Variants in SYNM observed in about 807,000 individuals in gnomAD.
SYNM encodes the protein desmuslin.
A neutral mutation model predicts 104.0 loss-of-function variants in SYNM; 95 were observed. The ratio of observed to expected loss-of-function variants is 0.91; its 90% confidence interval spans 0.77 to 1.08. The LOEUF is 1.08. Among genes scored for constraint, SYNM ranks in the 50% least tolerant of loss-of-function variants. SYNM has a pLI of 0.00. For synonymous variants in SYNM, 918 were observed against 869.0 expected (o/e 1.06, Z -0.99); for missense variants, 2,150 against 2,052.2 (o/e 1.05, Z -0.92).
chr15:99,131,417 G>A lies in SYNM; in HGVS notation c.3057G>A (p.Leu1019=). The change falls in exon 4 of 4, where the codon CTG becomes CTA. Residue 1019 remains leucine (L), a synonymous_variant. Coordinates refer to ENST00000336292, the MANE Select transcript of SYNM (RefSeq NM_145728.3). The surrounding 1 kb of genome is among the most constrained non-coding windows in gnomAD (Gnocchi z 4.3). ...CCGATCGGTTAGACCTGGAGGAGCT[G>A]AGCAAAGATGAGGCCAGTGAGATGG... The part of the protein sequence containing the change: ...VDADRLDLEE[L]SKDEASEMEK... The A allele has an allele frequency of 1.2e-6, 2 of 1,610,956 alleles. No individual in the cohort carries two copies. The highest frequency in any genetic ancestry group is 1.7e-6 in the Non-Finnish European group (2 of 1,179,206).
downstream of SYNM, chr15:99,139,271 A>C (rs782320750): frequency 1.3e-6 from 2 of 1,590,366 alleles, no homozygotes; most frequent in East Asian, 4.5e-5. Context: ...GAGATTCTGA[A>C]TGGAAAGGGA....
rs1355557622 is a variant in SYNM at position 99,134,283 on chromosome 15, T to G, written c.*1225T>G. 1 of 151,702 alleles carries G rather than the reference T, an allele frequency of 6.6e-6. No individual in the cohort carries two copies. The highest frequency in any genetic ancestry group is 6.6e-5 in the Admixed American group (1 of 15,242). The allele number at this position is 151,702 out of a possible 1,614,324, so 9.4% of individuals were successfully genotyped here. The stretch of plus-strand genomic sequence containing the variant: ...AGCACCGAGATACCCAGGACGGGCC[T>G]GGGGGGCGAGAAAGGCCCCCATGCT... On this transcript the variant is annotated 3_prime_UTR_variant, in exon 4 of 4. Transcript: ENST00000336292.
At chr15:99,138,191 A>G, downstream of SYNM, 1 of 1,589,714 alleles carries the variant, frequency 6.3e-7, no homozygotes, top group Non-Finnish European at 8.6e-7. Flanking sequence ...GTTCCCATCC[A>G]GCCTTTGCTG....
intron 3 of SYNM, among the ~76,000 whole-genome samples, chr15:99,127,041 G>C (rs1283398874): frequency 6.6e-6 from 1 of 152,230 alleles, no homozygotes; most frequent in Non-Finnish European, 1.5e-5. Flanking sequence ...AGGAGCGGAA[G>C]GGGCTAATGG....
At chr15:99,107,705 G>A (rs1425928506) in intron 1 of SYNM, among the ~76,000 whole-genome samples, 1 of 152,164 alleles carries the variant, frequency 6.6e-6, no homozygotes, top group Non-Finnish European at 1.5e-5. Context: ...CTGACTGGAG[G>A]AGACATGGGG....
rs891269263 is a variant in SYNM at position 99,105,313 on chromosome 15, C to T, written c.114C>T (p.Leu38=). ...GGGAGCTGGAGCGCGAAAACCTACT[C>T]CTGGAGGAGGAGCTGCGCGGCCGGC... ...RVRELERENL[L]LEEELRGRRG... Residue 38 remains leucine, a synonymous_variant, in exon 1 of 4, where the codon CTC becomes CTT. Transcript: ENST00000336292. 1 of 1,546,250 alleles carries T rather than the reference C, an allele frequency of 6.5e-7. No homozygotes were observed.
chr15:99,126,827 G>C, intron 3 of SYNM, 35 bp downstream of exon 3: 1 of 1,540,354 alleles, frequency 6.5e-7, no homozygotes, highest in East Asian at 2.4e-5. Flanking sequence ...TTAGCTTTAG[G>C]CATCTGAACT....
intron 2 of SYNM, among the ~76,000 whole-genome samples, chr15:99,118,536 A>AT (rs1555484191): frequency 6.6e-6 from 1 of 152,138 alleles, no homozygotes; most frequent in Non-Finnish European, 1.5e-5. Flanking sequence ...GGATTTGTCC[A>AT]TTGTCCCAAG....
rs1555483620 is a variant in SYNM, at chr15:99,113,603, T to C, written c.823T>C (p.Cys275Arg). Residue 275 changes from cysteine (C) to arginine (R), a missense_variant, in exon 2 of 4, where the codon TGC becomes CGC. Transcript: ENST00000336292. ...CTATTCTCTTTAGAGAGTGATTGACTGCCTGGAGGATGAGAAGGCAACCCT... is the reference window on the plus strand; with the variant it reads ...CTATTCTCTTTAGAGAGTGATTGACCGCCTGGAGGATGAGAAGGCAACCCT... ...QAEERQRVIDCLEDEKATLTL... is the reference protein window; with the variant it reads ...QAEERQRVIDRLEDEKATLTL... The C allele has an allele frequency of 2.5e-6, 4 of 1,613,358 alleles. No individual in the cohort carries two copies. The African/African-American group carries it at 4.0e-5, about 16-fold the overall frequency.
chr15:99,138,066 T>A (rs2067735538), downstream of SYNM: 1 of 1,613,882 alleles, frequency 6.2e-7, no homozygotes, highest in Non-Finnish European at 8.5e-7. Flanking sequence ...TGAGGGATGC[T>A]GGTGCAGAAG....
At chr15:99,107,980 G>C (rs35637557) in intron 1 of SYNM, among the ~76,000 whole-genome samples, 2,055 of 141,168 alleles carry the variant, frequency 0.015, 49 homozygotes, top group African/African-American at 0.056. Flanking sequence ...TTTTGGTTTT[G>C]GTTTTGGTTT....
chr15:99,125,511 G>A (rs1400328920), intron 2 of SYNM, among the ~76,000 whole-genome samples: 1 of 152,266 alleles, frequency 6.6e-6, no homozygotes, highest in Non-Finnish European at 1.5e-5. Context: ...GGCCCGCTGT[G>A]TGCGCCTTCG....
downstream of SYNM, among the ~76,000 whole-genome samples, chr15:99,138,559 C>T (rs142550887): frequency 2.0e-5 from 3 of 152,340 alleles, no homozygotes; most frequent in East Asian, 1.9e-4. Flanking sequence ...AGTGATCCAC[C>T]GCCTCGGCCT....
Position 99,132,205 on chromosome 15 carries a change from C to T in SYNM, c.3845C>T (p.Pro1282Leu). ...GFSGQIQFTA[P>L]LSDKVELGVI... ...AGTGGGCAAATCCAGTTCACAGCTCCACTTTCAGACAAGGTGGAGTTGGGT... is the reference window on the plus strand; with the variant it reads ...AGTGGGCAAATCCAGTTCACAGCTCTACTTTCAGACAAGGTGGAGTTGGGT... The change falls in exon 4 of 4, where the codon CCA becomes CTA. Residue 1282 changes from proline to leucine, a missense_variant. Physicochemically the swap from Pro to Leu is moderately conservative, Grantham distance 98. Transcript: ENST00000336292. 1.2e-6 allele frequency: 2 copies of T among 1,613,044 alleles called. No homozygotes were observed. Among genetic ancestry groups the T allele is most frequent in the South Asian group, 1.1e-5 (1 of 91,056 alleles).
In SYNM at chr15:99,113,726, T is replaced by G. The variant is rs1805445091; in HGVS notation, c.935+11T>G. The stretch of plus-strand genomic sequence containing the variant: ...GGTGGCGACCTACCGGTAAGGAGAC[T>G]GTGCTGAGTTGGCCTTGACGAAGCC... On this transcript the variant is annotated intron_variant, in intron 2 of 3. Coordinates refer to ENST00000336292, the MANE Select transcript of SYNM (RefSeq NM_145728.3). 1 of 1,613,310 alleles carries G rather than the reference T, an allele frequency of 6.2e-7. No individual in the cohort carries two copies. The highest frequency in any genetic ancestry group is 1.1e-5 in the South Asian group (1 of 90,896).
Position 99,131,330 on chromosome 15 carries a change from G to T in SYNM, c.2970G>T (p.Gln990His). ...GSVSVDVKKV[Q>H]GAGGSSVTLV... Reference sequence around the variant, plus strand: ...TTTCCGTGGATGTCAAGAAGGTCCAGGGTGCTGGTGGCAGTTCCGTGACCC... The same window carrying T: ...TTTCCGTGGATGTCAAGAAGGTCCATGGTGCTGGTGGCAGTTCCGTGACCC... The change falls in exon 4 of 4, where the codon CAG becomes CAT. Residue 990 changes from glutamine (Q) to histidine (H), a missense_variant. Coordinates refer to ENST00000336292, the MANE Select transcript of SYNM (RefSeq NM_145728.3). This position sits in a 1 kb window ranked among gnomAD's most constrained non-coding sequence, Gnocchi z 4.3. 1 of 1,613,360 alleles carries T rather than the reference G, an allele frequency of 6.2e-7. No homozygotes were observed. The highest frequency in any genetic ancestry group is 8.5e-7 in the Non-Finnish European group (1 of 1,179,738).
intron 2 of SYNM, among the ~76,000 whole-genome samples, chr15:99,114,675 G>A (rs12911794): frequency 0.42 from 63,298 of 151,706 alleles, 13,763 homozygotes; most frequent in Middle Eastern, 0.54. Context: ...GTCACAAAGC[G>A]CTCAAAGGGG....
downstream of SYNM, chr15:99,137,459 G>A (rs545278498): frequency 6.6e-6 from 1 of 152,550 alleles, no homozygotes; most frequent in African/African-American, 2.4e-5. Context: ...CCTCCTACTG[G>A]GCTCTTTCTC....
downstream of SYNM, chr15:99,137,746 G>A: frequency 2.1e-6 from 1 of 473,902 alleles, no homozygotes; most frequent in Non-Finnish European, 3.8e-6. Context: ...CAGTAGTGCT[G>A]ATGGGTAAAA....
Sources: allele counts gnomAD v4.1 joint callset (sites outside exome capture counted in the v4.1 genomes callset), GRCh38; gene constraint gnomAD v4.1.1; non-coding constraint Gnocchi (gnomAD v3.1); transcripts MANE v1.5; gene names NCBI Gene and HGNC (gene_info 2026-07-23, HGNC 2026-07-21).